The following PLEKHA5 variants were observed in gnomAD, a reference collection of about 807,000 sequenced individuals.
The protein encoded by PLEKHA5 is pleckstrin homology domain containing A5, also known as pleckstrin homology domain-containing family A member 5.
In PLEKHA5, 55 loss-of-function variants were observed where a neutral mutation model predicts 181.9. The observed-to-expected ratio is 0.30, with a 90% CI of 0.24 to 0.38. The LOEUF (loss-of-function observed/expected upper bound fraction) is 0.38, where lower values mean the gene tolerates loss of function less well. PLEKHA5 is among the 10% of genes least tolerant of loss of function. The probability of loss-of-function intolerance (pLI) is 1.00; values close to 1 mark genes in which losing one functional copy is unlikely to be tolerated. For missense variants in PLEKHA5, 1,432 were observed against 1,549.5 expected, an observed-to-expected ratio of 0.92 and a Z score of 1.27; for synonymous variants, 535 against 529.4, an observed-to-expected ratio of 1.01 and a Z score of -0.15.
chr12:19,163,278 G>A (rs1301162052), intron 3 of PLEKHA5, among the ~76,000 whole-genome samples: 1 of 151,566 alleles, frequency 6.6e-6, no homozygotes, highest in Non-Finnish European at 1.5e-5. Flanking sequence ...CTGGGTTCAC[G>A]CCATTCTCCT....
At chr12:19,239,624 G>A (rs899364546) in intron 3 of PLEKHA5, among the ~76,000 whole-genome samples, 4 of 152,180 alleles carry the variant, frequency 2.6e-5, no homozygotes, top group South Asian at 2.1e-4. Flanking sequence ...CCTAGGAGGG[G>A]AGCAAATACA....
At chr12:19,272,128 CAT>C (rs1592275654) in intron 10 of PLEKHA5, among the ~76,000 whole-genome samples, 1 of 152,132 alleles carries the variant, frequency 6.6e-6, no homozygotes, top group East Asian at 1.9e-4. Flanking sequence ...ACGATAATGT[CAT>C]AGTCTCCTAG....
In PLEKHA5 at chr12:19,358,400, C is replaced by T; in HGVS notation, c.3311C>T (p.Pro1104Leu). 6.2e-7 allele frequency: 1 copy of T among 1,613,296 alleles called. No individual in the cohort carries two copies. The highest frequency in any genetic ancestry group is 8.5e-7 in the Non-Finnish European group (1 of 1,179,556). The change falls in exon 27 of 32, where the codon CCT (proline) becomes CTT (leucine). Residue 1104 changes from proline (P) to leucine (L), a missense_variant. Coordinates refer to ENST00000429027, the MANE Select transcript of PLEKHA5 (RefSeq NM_001256470.2). Reference sequence around the variant, plus strand: ...TCAGACCAGTCACCCTTACAAAGCCCTTCAAATTTAAGGGATAATCCATTT... The same window carrying T: ...TCAGACCAGTCACCCTTACAAAGCCTTTCAAATTTAAGGGATAATCCATTT... ...GASDQSPLQS[P>L]SNLRDNPFRT...
intron 21 of PLEKHA5, among the ~76,000 whole-genome samples, chr12:19,343,043 C>T (rs1256012059): frequency 6.6e-6 from 1 of 151,944 alleles, no homozygotes. Context: ...AATATGCCTT[C>T]CTGGTATCAT....
chr12:19,330,363 C>G (rs138368301), intron 20 of PLEKHA5, among the ~76,000 whole-genome samples: 6 of 152,168 alleles, frequency 3.9e-5, no homozygotes, highest in Non-Finnish European at 1.5e-5. Context: ...TTGAGCCTCA[C>G]TTTATACAGT....
intron 3 of PLEKHA5, chr12:19,205,365 G>A (rs745379198): frequency 5.8e-5 from 57 of 984,718 alleles, no homozygotes; most frequent in Non-Finnish European, 6.3e-5. Flanking sequence ...CGTTCTGTCA[G>A]GAAGCATGTA....
intron 20 of PLEKHA5, among the ~76,000 whole-genome samples, chr12:19,335,770 C>T (rs1313508970): frequency 2.0e-5 from 3 of 151,742 alleles, no homozygotes; most frequent in Non-Finnish European, 4.4e-5. Flanking sequence ...TAGCTAGGAC[C>T]ACAGGCACAA....
chr12:19,368,801 T>A (rs2095501925), intron 30 of PLEKHA5, among the ~76,000 whole-genome samples: 1 of 151,676 alleles, frequency 6.6e-6, no homozygotes, highest in Non-Finnish European at 1.5e-5. Flanking sequence ...TCTAAATAAA[T>A]GAATAAGGTA....
chr12:19,279,978 GT>G (rs1218364325), intron 11 of PLEKHA5, among the ~76,000 whole-genome samples: 1 of 145,470 alleles, frequency 6.9e-6, no homozygotes, highest in Non-Finnish European at 1.5e-5. Context: ...TATGCCGGCA[GT>G]TTATTAATTA....
intron 15 of PLEKHA5, among the ~76,000 whole-genome samples, chr12:19,307,910 A>G (rs934763953): frequency 3.3e-5 from 5 of 152,050 alleles, no homozygotes; most frequent in Non-Finnish European, 5.9e-5. Context: ...CTCTCTCACC[A>G]TCCCCTGGGA....
chr12:19,172,236 A>G (rs1404236994), intron 3 of PLEKHA5, among the ~76,000 whole-genome samples: 1 of 152,202 alleles, frequency 6.6e-6, no homozygotes, highest in Non-Finnish European at 1.5e-5. Flanking sequence ...TGAGTAATGC[A>G]TTGTGGTATG....
chr12:19,225,005 G>T (rs2059495192), intron 3 of PLEKHA5, among the ~76,000 whole-genome samples: 1 of 152,048 alleles, frequency 6.6e-6, no homozygotes, highest in Non-Finnish European at 1.5e-5. Flanking sequence ...GCCATAAAAA[G>T]GGGAGAAAAG....
intron 3 of PLEKHA5, among the ~76,000 whole-genome samples, chr12:19,200,070 A>G (rs1225278409): frequency 6.6e-6 from 1 of 152,120 alleles, no homozygotes; most frequent in African/African-American, 2.4e-5. Flanking sequence ...ATAGCAGAGT[A>G]GGGTGACTAT....
intron 3 of PLEKHA5, among the ~76,000 whole-genome samples, chr12:19,207,045 A>T (rs569841049): frequency 1.3e-5 from 2 of 152,236 alleles, no homozygotes; most frequent in East Asian, 3.9e-4. Context: ...ATTCTATTAA[A>T]TTTTTTTCAA....
chr12:19,322,952 C>A (rs114223752), intron 20 of PLEKHA5, among the ~76,000 whole-genome samples: 6,352 of 150,720 alleles, frequency 0.042, 153 homozygotes, highest in South Asian at 0.058. Context: ...CTCTTGGACT[C>A]AAGTGAGTGC....
chr12:19,327,637 CTTTTTTCTTTTTTT>C (rs944401382), intron 20 of PLEKHA5, among the ~76,000 whole-genome samples: 4 of 27,142 alleles, frequency 1.5e-4, no homozygotes, highest in Non-Finnish European at 2.8e-4. Flanking sequence ...TTACTTTTTT[CTTTTTTCTTTTTTT>C]TTTTTTTTTC....
At chr12:19,157,097 TACAC>T (rs3056384) in intron 3 of PLEKHA5, among the ~76,000 whole-genome samples, 155 of 143,294 alleles carry the variant, frequency 1.1e-3, no homozygotes, top group East Asian at 3.1e-3. Flanking sequence ...TATATGTACA[TACAC>T]ACACACACAC....
At chr12:19,328,583 G>A (rs1168722316) in intron 20 of PLEKHA5, among the ~76,000 whole-genome samples, 6 of 150,894 alleles carry the variant, frequency 4.0e-5, no homozygotes, top group African/African-American at 1.2e-4. Context: ...GTGTGTGTGT[G>A]TGTGTGTGTG....
At chr12:19,131,229 C>G (rs1427033187) in intron 2 of PLEKHA5, among the ~76,000 whole-genome samples, 1 of 152,166 alleles carries the variant, frequency 6.6e-6, no homozygotes, top group Non-Finnish European at 1.5e-5. Context: ...CTCTCGGACT[C>G]TGACATTCCG....
Sources: allele counts gnomAD v4.1 joint callset (sites outside exome capture counted in the v4.1 genomes callset), GRCh38; gene constraint gnomAD v4.1.1; transcripts MANE v1.5; gene names NCBI Gene and HGNC (gene_info 2026-07-23, HGNC 2026-07-21).